NKAIN3: variants seen among roughly 807,000 people sequenced by gnomAD.
The protein encoded by NKAIN3 is sodium/potassium-transporting ATPase subunit beta-1-interacting protein 3.
A neutral mutation model predicts 30.2 loss-of-function variants in NKAIN3; 25 were observed. That is an observed-to-expected ratio of 0.83 (90% CI 0.60 to 1.16). NKAIN3 has a LOEUF of 1.16. NKAIN3 is among the 50% of genes most tolerant of loss of function. The pLI, the probability that NKAIN3 is intolerant of heterozygous loss-of-function variation, is 0.00. For synonymous variants in NKAIN3, 91 were observed against 89.6 expected, an observed-to-expected ratio of 1.02 and a Z score of -0.09; for missense variants, 225 against 254.1, an observed-to-expected ratio of 0.89 and a Z score of 0.78.
At chr8:62,647,667 G>A (rs1201828799) in intron 3 of NKAIN3, among the ~76,000 whole-genome samples, 1 of 152,204 alleles carries the variant, frequency 6.6e-6, no homozygotes, top group Non-Finnish European at 1.5e-5. Context: ...CTCAGACTCA[G>A]AGGTGAGAAA....
At chr8:62,785,562 C>T (rs908523094) in intron 4 of NKAIN3, among the ~76,000 whole-genome samples, 2 of 152,030 alleles carry the variant, frequency 1.3e-5, no homozygotes, top group Admixed American at 6.6e-5. Flanking sequence ...GAATTGTGCA[C>T]TTTAAATGGG....
At chr8:62,831,922 G>T (rs1437146491) in intron 4 of NKAIN3, among the ~76,000 whole-genome samples, 1 of 152,110 alleles carries the variant, frequency 6.6e-6, no homozygotes, top group Non-Finnish European at 1.5e-5. Context: ...TCACCAGACT[G>T]TCCAAGGCCA....
At chr8:62,760,140 T>A (rs1402871651) in intron 4 of NKAIN3, among the ~76,000 whole-genome samples, 2 of 151,886 alleles carry the variant, frequency 1.3e-5, no homozygotes, top group African/African-American at 4.8e-5. Flanking sequence ...ATGCTGGAGA[T>A]GATGTGGAGT....
rs115392942 is a variant in NKAIN3 at position 62,330,908 on chromosome 8, C to T, written c.54+81781C>T. ...CACCCACCCTGCTTAGACACATTCA[C>T]TGGTTCTTCTGCCACTGTGGACACA... On this transcript the variant is annotated intron_variant, in intron 1 of 6. Transcript: ENST00000623646. 7.4e-4 allele frequency among the ~76,000 whole-genome samples: 112 copies of T among 152,100 alleles called. 1 individual carries two copies. The highest frequency in any genetic ancestry group is 2.6e-3 in the African/African-American group (110 of 41,510).
chr8:62,604,530 C>T (rs913147548), intron 3 of NKAIN3, among the ~76,000 whole-genome samples: 8 of 152,120 alleles, frequency 5.3e-5, no homozygotes, highest in Middle Eastern at 3.2e-3. Flanking sequence ...AATCAAATAA[C>T]AGATGAAGCT....
intron 3 of NKAIN3, among the ~76,000 whole-genome samples, chr8:62,719,947 C>T (rs1815036590): frequency 6.6e-6 from 1 of 151,668 alleles, no homozygotes; most frequent in South Asian, 2.1e-4. Flanking sequence ...TCAGTAGAGA[C>T]GAGGTTTCAC....
intron 3 of NKAIN3, among the ~76,000 whole-genome samples, chr8:62,630,816 C>T (rs560196354): frequency 6.2e-4 from 94 of 152,282 alleles, no homozygotes; most frequent in African/African-American, 2.2e-3. Flanking sequence ...ACCTTCAACT[C>T]CTTCTAGAAA....
rs1177761474 is a variant in NKAIN3 at position 62,809,523 on chromosome 8, C to T, written c.471+62394C>T. Among the ~76,000 whole-genome samples, 5 of 152,190 alleles carry T rather than the reference C, an allele frequency of 3.3e-5. 1 individual carries two copies. The highest frequency in any genetic ancestry group is 1.2e-4 in the African/African-American group (5 of 41,456). On this transcript the variant is annotated intron_variant, in intron 4 of 6. Transcript: ENST00000623646. The stretch of plus-strand genomic sequence containing the variant: ...CAGTCCCTCTTTTTGGGGTCCCTGA[C>T]TTCCCTCAACAATTCCCAAAAGCAT...
intron 1 of NKAIN3, among the ~76,000 whole-genome samples, chr8:62,329,498 TC>T (rs1815264612): frequency 1.3e-5 from 2 of 152,102 alleles, no homozygotes; most frequent in African/African-American, 4.8e-5. Context: ...CCGCTCCTTT[TC>T]TCCTCCAGTG....
chr8:62,818,665 G>A (rs893435919), intron 4 of NKAIN3, among the ~76,000 whole-genome samples: 1 of 151,982 alleles, frequency 6.6e-6, no homozygotes. Context: ...TTTATCCAAG[G>A]TTCTTCTAAT....
intron 4 of NKAIN3, chr8:62,863,848 A>G: frequency 6.3e-7 from 1 of 1,599,914 alleles, no homozygotes; most frequent in South Asian, 1.1e-5. Flanking sequence ...TTTTCACTGG[A>G]TGATAGCCAC....
intron 3 of NKAIN3, among the ~76,000 whole-genome samples, chr8:62,660,755 A>T (rs548693171): frequency 0.037 from 5,683 of 152,282 alleles, 356 homozygotes; most frequent in African/African-American, 0.13. Flanking sequence ...CAGTCCACTA[A>T]ATACTAAAAC....
intron 4 of NKAIN3, among the ~76,000 whole-genome samples, chr8:62,904,345 T>G: frequency 6.6e-6 from 1 of 152,346 alleles, no homozygotes. Flanking sequence ...ATCTTTCAAG[T>G]GTTTGGTTTC....
In NKAIN3 at chr8:62,976,570, A is replaced by C. The variant is rs936891975; in HGVS notation, c.*11163A>C. Among the ~76,000 whole-genome samples the C allele has an allele frequency of 7.2e-5, 11 of 152,120 alleles. No homozygotes were observed. Among genetic ancestry groups the C allele is most frequent in the Non-Finnish European group, 1.5e-5 (1 of 68,020 alleles). On this transcript the variant is annotated 3_prime_UTR_variant, in exon 7 of 7. Transcript: ENST00000623646. ...CTCTCCATCCTTTTATTTTGAGCCTATGTGTGTCTTTGCACATGAGATGGG... is the reference window on the plus strand; with the variant it reads ...CTCTCCATCCTTTTATTTTGAGCCTCTGTGTGTCTTTGCACATGAGATGGG...
chr8:62,461,474 T>G, intron 1 of NKAIN3, among the ~76,000 whole-genome samples: 1 of 152,152 alleles, frequency 6.6e-6, no homozygotes, highest in South Asian at 2.1e-4. Flanking sequence ...AAGCAATCAA[T>G]AGCAACTATT....
intron 1 of NKAIN3, among the ~76,000 whole-genome samples, chr8:62,525,655 C>G (rs1327453991): frequency 6.6e-6 from 1 of 152,070 alleles, no homozygotes; most frequent in Non-Finnish European, 1.5e-5. Flanking sequence ...GAGGTTCCAC[C>G]CATGGTTGCA....
At chr8:62,862,262 T>A (rs1323673514) in intron 4 of NKAIN3, among the ~76,000 whole-genome samples, 1 of 151,878 alleles carries the variant, frequency 6.6e-6, no homozygotes, top group African/African-American at 2.4e-5. Flanking sequence ...GATAGCAGTG[T>A]CAAAGCAGTC....
At chr8:62,865,080 T>TA (rs1820377884) in intron 4 of NKAIN3, among the ~76,000 whole-genome samples, 1 of 151,364 alleles carries the variant, frequency 6.6e-6, no homozygotes, top group African/African-American at 2.4e-5. Flanking sequence ...TGGAAAAAAA[T>TA]ACGCTATGTT....
intron 1 of NKAIN3, among the ~76,000 whole-genome samples, chr8:62,551,197 T>A (rs1448928309): frequency 1.3e-5 from 2 of 152,174 alleles, no homozygotes; most frequent in African/African-American, 4.8e-5. Context: ...TAATTTTTTT[T>A]AATGGTGCTT....
Sources: allele counts gnomAD v4.1 joint callset (sites outside exome capture counted in the v4.1 genomes callset), GRCh38; gene constraint gnomAD v4.1.1; transcripts MANE v1.5; gene names NCBI Gene and HGNC (gene_info 2026-07-23, HGNC 2026-07-21).